The following RNF182 variants were observed in gnomAD, a reference collection of about 807,000 sequenced individuals.
RNF182 encodes the protein E3 ubiquitin-protein ligase RNF182.
RNF182 carries 15 observed loss-of-function variants against 14.4 expected under a neutral mutation model. The ratio of observed to expected loss-of-function variants is 1.04; its 90% CI spans 0.70 to 1.60. The LOEUF (loss-of-function observed/expected upper bound fraction) is 1.60. Ranked by LOEUF, RNF182 falls within the 40% of genes most tolerant of loss-of-function variation. RNF182 has a pLI of 0.00. For missense variants in RNF182, 268 were observed against 294.8 expected, an observed-to-expected ratio of 0.91 and a Z score of 0.67; for synonymous variants, 128 against 122.9, an observed-to-expected ratio of 1.04 and a Z score of -0.27.
Position 13,979,022 on chromosome 6 carries a change from C to A in RNF182, c.*1159C>A, listed in dbSNP as rs1311829713. 7 of 166,930 alleles carry A rather than the reference C, an allele frequency of 4.2e-5. No individual in the cohort carries two copies. The highest frequency in any genetic ancestry group is 1.0e-4 in the Non-Finnish European group (7 of 68,092). The allele number at this position is 166,930 out of a possible 1,614,324, so 10.3% of individuals were successfully genotyped here. A position where few individuals can be genotyped will look rare whatever the true frequency, so the allele number is the denominator to read the frequency against. ...GGCAAGAGACATGCAAAGCTGAAGCCCTGCTTGAAAAGACCCTTCAAGGAA... is the reference window on the plus strand; with the variant it reads ...GGCAAGAGACATGCAAAGCTGAAGCACTGCTTGAAAAGACCCTTCAAGGAA... On this transcript the variant is annotated 3_prime_UTR_variant, in exon 3 of 3. Coordinates refer to ENST00000488300, the MANE Select transcript of RNF182 (RefSeq NM_152737.4).
intron 1 of RNF182, chr6:13,925,401 C>T (rs543061857): frequency 6.6e-6 from 1 of 152,108 alleles, no homozygotes; most frequent in Non-Finnish European, 1.5e-5. Flanking sequence ...TTTCATGTTT[C>T]ATGGCATTCT....
chr6:13,967,286 T>A (rs1760057976), intron 1 of RNF182, among the ~76,000 whole-genome samples: 1 of 152,082 alleles, frequency 6.6e-6, no homozygotes, highest in African/African-American at 2.4e-5. Context: ...AAGGCATAAA[T>A]AGGATAAGGA....
chr6:13,944,955 A>G (rs1292586869), intron 1 of RNF182, among the ~76,000 whole-genome samples: 1 of 151,116 alleles, frequency 6.6e-6, no homozygotes, highest in Admixed American at 6.6e-5. Context: ...CTGCTTACTA[A>G]GTGCCTGATC....
chr6:13,976,652 A>G (rs1760332819), intron 2 of RNF182, among the ~76,000 whole-genome samples: 1 of 152,226 alleles, frequency 6.6e-6, no homozygotes, highest in African/African-American at 2.4e-5. Flanking sequence ...GCACATAGCT[A>G]GCTCTACACT....
intron 1 of RNF182, among the ~76,000 whole-genome samples, chr6:13,958,581 C>G (rs750900681): frequency 1.2e-4 from 19 of 152,104 alleles, no homozygotes; most frequent in Non-Finnish European, 2.2e-4. Context: ...TATTTATTAT[C>G]TACTCTGTGC....
At chr6:13,938,304 A>G (rs982236362) in intron 1 of RNF182, among the ~76,000 whole-genome samples, 3 of 149,800 alleles carry the variant, frequency 2.0e-5, no homozygotes, top group Non-Finnish European at 4.4e-5. Context: ...GGCGTGAGCC[A>G]CTGCGCCTGG....
intron 1 of RNF182, chr6:13,949,145 A>C: frequency 3.8e-6 from 3 of 785,760 alleles, no homozygotes; most frequent in Non-Finnish European, 7.0e-6. Flanking sequence ...CAGGAATCTT[A>C]TAGCCCCTGA....
chr6:13,960,788 A>T (rs761002512), intron 1 of RNF182, among the ~76,000 whole-genome samples: 1 of 152,234 alleles, frequency 6.6e-6, no homozygotes, highest in Non-Finnish European at 1.5e-5. Context: ...TAGAAATGGT[A>T]CATATAACCT....
intron 1 of RNF182, among the ~76,000 whole-genome samples, chr6:13,947,709 A>G (rs1759475115): frequency 6.6e-6 from 1 of 152,182 alleles, no homozygotes; most frequent in South Asian, 2.1e-4. Flanking sequence ...GGAGCCCTGT[A>G]CAAGGCTCAA....
intron 1 of RNF182, among the ~76,000 whole-genome samples, chr6:13,954,136 GC>G (rs771706683): frequency 3.3e-5 from 5 of 152,074 alleles, no homozygotes; most frequent in East Asian, 3.9e-4. Flanking sequence ...TCATTTATCT[GC>G]CCCCCTCCCC....
At chr6:13,967,559 A>G (rs1760064640) in intron 1 of RNF182, among the ~76,000 whole-genome samples, 1 of 152,210 alleles carries the variant, frequency 6.6e-6, no homozygotes, top group Non-Finnish European at 1.5e-5. Flanking sequence ...TTTCTAGACT[A>G]CTTAGAAAAA....
chr6:13,926,970 T>C (rs1453039506), intron 1 of RNF182, among the ~76,000 whole-genome samples: 1 of 152,156 alleles, frequency 6.6e-6, no homozygotes, highest in Admixed American at 6.5e-5. Flanking sequence ...AACGGAGATA[T>C]CCATGGTGAA....
chr6:13,959,301 G>A (rs547412523), intron 1 of RNF182, among the ~76,000 whole-genome samples: 1 of 152,294 alleles, frequency 6.6e-6, no homozygotes, highest in Admixed American at 6.5e-5. Context: ...AAAGGCCAGG[G>A]CGGCAGGAAA....
intron 1 of RNF182, among the ~76,000 whole-genome samples, chr6:13,942,554 C>G (rs1439342743): frequency 6.6e-6 from 1 of 152,072 alleles, no homozygotes; most frequent in Non-Finnish European, 1.5e-5. Flanking sequence ...TTTGGCCAGA[C>G]TGATCTCAAA....
chr6:13,924,766 G>C (rs952477756), upstream of RNF182: 5 of 152,022 alleles, frequency 3.3e-5, no homozygotes, highest in African/African-American at 9.7e-5. Context: ...TGAGAGAGGG[G>C]CGTGTTTGTG....
chr6:13,939,674 G>A (rs2113594905), intron 1 of RNF182, among the ~76,000 whole-genome samples: 1 of 152,196 alleles, frequency 6.6e-6, no homozygotes, highest in African/African-American at 2.4e-5. Context: ...CTCCTGAGTA[G>A]CTGGGACTAC....
At position 13,933,004 on chromosome 6, in the gene RNF182, A is replaced by AT. The variant is rs369624161; in HGVS notation, c.-367+7987dup. On this transcript the variant is annotated intron_variant, in intron 1 of 2. Coordinates refer to ENST00000488300, the MANE Select transcript of RNF182 (RefSeq NM_152737.4). ...ATTGATTTGAAATTGCTGTCCGAGC[A>AT]TTTTTTAATTAAAATATGGTTGCTT... Among the ~76,000 whole-genome samples, 863 of 152,270 alleles carry AT rather than the reference A, an allele frequency of 5.7e-3. 9 individuals carry two copies. The highest frequency in any genetic ancestry group is 0.02 in the African/African-American group (827 of 41,550).
At chr6:13,961,592 A>T (rs1759884842) in intron 1 of RNF182, 1 of 152,190 alleles carries the variant, frequency 6.6e-6, no homozygotes, top group South Asian at 2.1e-4. Flanking sequence ...TTTCTCTCTT[A>T]TTCCTGAACA....
chr6:13,961,224 C>T (rs1759875461), intron 1 of RNF182, among the ~76,000 whole-genome samples: 1 of 152,322 alleles, frequency 6.6e-6, no homozygotes, highest in African/African-American at 2.4e-5. Flanking sequence ...CCTTCTGATA[C>T]TGTGTTCAAT....
Sources: allele counts gnomAD v4.1 joint callset (sites outside exome capture counted in the v4.1 genomes callset), GRCh38; gene constraint gnomAD v4.1.1; transcripts MANE v1.5; gene names NCBI Gene and HGNC (gene_info 2026-07-23, HGNC 2026-07-21).